The following VIT variants were observed in gnomAD, a reference collection of about 807,000 sequenced individuals.
The protein encoded by VIT is vitrin.
VIT carries 99 observed loss-of-function variants against 78.0 expected under a neutral mutation model. The ratio of observed to expected loss-of-function variants is 1.27; its 90% confidence interval spans 1.08 to 1.50. The LOEUF is 1.50. Among genes scored for constraint, VIT ranks in the 40% most tolerant of loss-of-function variants. The pLI is 0.00. For synonymous variants in VIT, 374 were observed against 334.3 expected, an observed-to-expected ratio of 1.12 and a Z score of -1.29; for missense variants, 1,126 against 875.3, an observed-to-expected ratio of 1.29 and a Z score of -3.61.
At chr2:36,788,799 C>A (rs1036640944) in intron 12 of VIT, among the ~76,000 whole-genome samples, 2 of 152,076 alleles carry the variant, frequency 1.3e-5, no homozygotes, top group Non-Finnish European at 2.9e-5. Context: ...GCTTTAAAAG[C>A]TTGTATATAG....
intron 12 of VIT, among the ~76,000 whole-genome samples, chr2:36,792,274 T>A (rs562006413): frequency 1.0e-3 from 153 of 152,242 alleles, no homozygotes; most frequent in African/African-American, 3.6e-3. Flanking sequence ...ACTTCTCTCC[T>A]CTCTGAGAGA....
chr2:36,758,179 T>G (rs1050668264), intron 5 of VIT, among the ~76,000 whole-genome samples: 4 of 152,176 alleles, frequency 2.6e-5, no homozygotes, highest in African/African-American at 9.7e-5. Context: ...TTTAAGATAT[T>G]CCCCCACTGA....
intron 1 of VIT, among the ~76,000 whole-genome samples, chr2:36,714,742 A>G (rs1289492400): frequency 6.6e-6 from 1 of 152,074 alleles, no homozygotes; most frequent in Non-Finnish European, 1.5e-5. Context: ...AATCCTATTC[A>G]CCACCTTGGA....
intron 7 of VIT, among the ~76,000 whole-genome samples, chr2:36,768,759 G>T (rs1243608036): frequency 6.6e-6 from 1 of 152,058 alleles, no homozygotes; most frequent in Non-Finnish European, 1.5e-5. Context: ...GATTAGTATG[G>T]CAAAATTAAA....
intron 1 of VIT, among the ~76,000 whole-genome samples, chr2:36,711,713 C>T (rs530984259): frequency 5.3e-5 from 8 of 152,244 alleles, no homozygotes; most frequent in Middle Eastern, 3.4e-3. Context: ...GAAATGCACA[C>T]GAAGTCGCTT....
chr2:36,716,449 A>T, intron 2 of VIT, 27 bp downstream of exon 2: 2 of 1,609,844 alleles, frequency 1.2e-6, no homozygotes, highest in Non-Finnish European at 1.7e-6. Context: ...GTGTATCTGG[A>T]TACCCTTTTA....
intron 3 of VIT, among the ~76,000 whole-genome samples, chr2:36,739,302 A>T (rs923299774): frequency 6.6e-6 from 1 of 152,238 alleles, no homozygotes; most frequent in African/African-American, 2.4e-5. Context: ...TGAAAAGATG[A>T]GTGGCAAAAT....
chr2:36,759,176 T>A (rs1200328251), intron 6 of VIT, 130 bp downstream of exon 6: 1 of 1,588,342 alleles, frequency 6.3e-7, no homozygotes, highest in Admixed American at 1.8e-5. Flanking sequence ...TTTTAACAGA[T>A]GCCAGGAACA....
At chr2:36,700,995 T>A (rs60580226) in intron 1 of VIT, among the ~76,000 whole-genome samples, 1 of 149,368 alleles carries the variant, frequency 6.7e-6, no homozygotes, top group African/African-American at 2.6e-5. Flanking sequence ...AAAGTCATAC[T>A]CTTAACCTGC....
At chr2:36,803,209 C>T (rs1277712947) in intron 13 of VIT, among the ~76,000 whole-genome samples, 1 of 152,172 alleles carries the variant, frequency 6.6e-6, no homozygotes, top group Non-Finnish European at 1.5e-5. Context: ...GACAGTATCC[C>T]AGAGAAGTCA....
chr2:36,787,338 C>A, intron 12 of VIT, 62 bp downstream of exon 12: 1 of 1,560,052 alleles, frequency 6.4e-7, no homozygotes, highest in South Asian at 1.2e-5. Flanking sequence ...AATTTTATGC[C>A]ACGTGCTTAA....
chr2:36,730,773 C>A (rs1384086023), intron 3 of VIT, among the ~76,000 whole-genome samples: 1 of 152,172 alleles, frequency 6.6e-6, no homozygotes, highest in Admixed American at 6.5e-5. Context: ...GGGAACAACT[C>A]TCAGCAGAGA....
chr2:36,771,456 G>A (rs1669750265), intron 7 of VIT, among the ~76,000 whole-genome samples: 1 of 151,158 alleles, frequency 6.6e-6, no homozygotes. Context: ...AACCCGGGCA[G>A]CAGGAGTTGC....
chr2:36,707,630 C>T (rs756854161), intron 1 of VIT, among the ~76,000 whole-genome samples: 30 of 152,248 alleles, frequency 2.0e-4, no homozygotes, highest in Admixed American at 7.2e-4. Context: ...TCTCAGTGGC[C>T]GGGCTGCACT....
intron 2 of VIT, among the ~76,000 whole-genome samples, chr2:36,723,583 A>T (rs1485397847): frequency 6.6e-6 from 1 of 152,218 alleles, no homozygotes; most frequent in Non-Finnish European, 1.5e-5. Flanking sequence ...AAGCTTATTC[A>T]TTTATATTTT....
At chr2:36,724,774 A>G (rs1014793719) in intron 2 of VIT, among the ~76,000 whole-genome samples, 1 of 152,200 alleles carries the variant, frequency 6.6e-6, no homozygotes. Context: ...TGTTCTTACT[A>G]AAATATTTAT....
intron 12 of VIT, chr2:36,787,895 C>T (rs1665216383): frequency 2.2e-6 from 1 of 451,492 alleles, no homozygotes; most frequent in African/African-American, 2.0e-5. Flanking sequence ...TTTCGCCAAC[C>T]TGCTCTATTA....
intron 15 of VIT, among the ~76,000 whole-genome samples, chr2:36,813,894 T>C (rs1475312247): frequency 6.6e-6 from 1 of 152,224 alleles, no homozygotes; most frequent in Non-Finnish European, 1.5e-5. Context: ...TCCATTTTGT[T>C]CATTGTTTCC....
intron 5 of VIT, among the ~76,000 whole-genome samples, chr2:36,757,462 A>C (rs1168158834): frequency 2.8e-5 from 1 of 35,372 alleles, no homozygotes; most frequent in Non-Finnish European, 7.4e-5. Flanking sequence ...GAATAGAAAC[A>C]GAAAAAAAAA....
Sources: allele counts gnomAD v4.1 joint callset (sites outside exome capture counted in the v4.1 genomes callset), GRCh38; gene constraint gnomAD v4.1.1; transcripts MANE v1.5; gene names NCBI Gene and HGNC (gene_info 2026-07-23, HGNC 2026-07-21).